The following GFOD2 variants were observed in gnomAD, a reference collection of about 807,000 sequenced individuals.
GFOD2 encodes the protein glucose-fructose oxidoreductase domain-containing protein 2.
GFOD2 carries 9 observed loss-of-function variants against 24.6 expected under a neutral mutation model. The ratio of observed to expected loss-of-function variants is 0.37; its 90% CI spans 0.22 to 0.64. The LOEUF (loss-of-function observed/expected upper bound fraction) is 0.64, where lower values mean the gene tolerates loss of function less well. Among genes scored for constraint, GFOD2 ranks in the 30% least tolerant of loss-of-function variants. The pLI is 0.65. For missense variants in GFOD2, 476 were observed against 532.5 expected, an observed-to-expected ratio of 0.89 and a Z score of 1.04; for synonymous variants, 211 against 224.8, an observed-to-expected ratio of 0.94 and a Z score of 0.55.
At chr16:67,694,161 A>G (rs1027532841) in intron 1 of GFOD2, among the ~76,000 whole-genome samples, 5 of 151,824 alleles carry the variant, frequency 3.3e-5, no homozygotes, top group Non-Finnish European at 7.4e-5. Context: ...CACCTGGCTA[A>G]TTTTTTTGTA....
chr16:67,683,628 T>A (rs765186610), intron 2 of GFOD2: 4 of 1,231,746 alleles, frequency 3.2e-6, no homozygotes, highest in Non-Finnish European at 4.0e-6. Context: ...TTGCTCCAAA[T>A]TGACAACCGG....
In GFOD2 at chr16:67,675,681, A is replaced by G. The variant is rs1432202077; in HGVS notation, c.632T>C (p.Ile211Thr). Residue 211 changes from isoleucine to threonine, a missense_variant, in exon 3 of 3, where the codon ATC becomes ACC. Ile to Thr is a moderately conservative substitution (Grantham distance 89). Coordinates refer to ENST00000268797, the MANE Select transcript of GFOD2 (RefSeq NM_030819.4). ...GCTAGTGACGTGCCGGATGCCACGG[A>G]TGGCAGCGTTCTGCCTCACGAATGT... ...LKTFVRQNAAIRGIRHVTSDD... is the reference protein window; with the variant it reads ...LKTFVRQNAATRGIRHVTSDD... 6.2e-7 allele frequency: 1 copy of G among 1,613,728 alleles called. No individual in the cohort carries two copies. The highest frequency in any genetic ancestry group is 8.5e-7 in the Non-Finnish European group (1 of 1,180,044).
chr16:67,683,116 A>C, intron 2 of GFOD2: 1 of 711,402 alleles, frequency 1.4e-6, no homozygotes, highest in Non-Finnish European at 1.7e-6. Flanking sequence ...GCGTGCCACC[A>C]TGCCTGGCTA....
At chr16:67,700,024 AT>A in intron 1 of GFOD2, among the ~76,000 whole-genome samples, 1 of 151,986 alleles carries the variant, frequency 6.6e-6, no homozygotes, top group African/African-American at 2.4e-5. Context: ...GCAGTGAGCC[AT>A]TTTTGCACCA....
chr16:67,683,427 A>G, intron 2 of GFOD2: 1 of 1,229,698 alleles, frequency 8.1e-7, no homozygotes. Context: ...GAGTCAAGTG[A>G]CCAATAGCGG....
intron 2 of GFOD2, chr16:67,681,052 T>C: frequency 1.0e-6 from 1 of 985,488 alleles, no homozygotes; most frequent in Non-Finnish European, 1.2e-6. Context: ...GGGTCTCCAG[T>C]GCTTCTCCAC....
At chr16:67,710,324 T>C (rs1179972951) in intron 1 of GFOD2, among the ~76,000 whole-genome samples, 1 of 151,254 alleles carries the variant, frequency 6.6e-6, no homozygotes, top group African/African-American at 2.4e-5. Context: ...TTCACCATGT[T>C]GGCCGGGCTG....
At chr16:67,696,708 C>G (rs944562780) in intron 1 of GFOD2, among the ~76,000 whole-genome samples, 3 of 152,028 alleles carry the variant, frequency 2.0e-5, no homozygotes, top group Non-Finnish European at 4.4e-5. Context: ...CTCCTGACCT[C>G]GTGATCCGCC....
At chr16:67,695,477 T>C (rs1041456501) in intron 1 of GFOD2, among the ~76,000 whole-genome samples, 5 of 152,134 alleles carry the variant, frequency 3.3e-5, no homozygotes, top group South Asian at 2.1e-4. Flanking sequence ...ATGGCTGTTA[T>C]AGGAGCTTGA....
At chr16:67,715,614 T>C (rs2053501060) in intron 1 of GFOD2, among the ~76,000 whole-genome samples, 1 of 152,226 alleles carries the variant, frequency 6.6e-6, no homozygotes, top group South Asian at 2.1e-4. Flanking sequence ...AATTTTCAAG[T>C]AATAAGGACT....
chr16:67,685,411 A>G (rs1046598354), intron 2 of GFOD2, 46 bp downstream of exon 2: 2 of 1,613,250 alleles, frequency 1.2e-6, no homozygotes, highest in African/African-American at 2.7e-5. Flanking sequence ...AGGACTGCCC[A>G]GAGGGAGAGA....
chr16:67,683,755 G>T, intron 2 of GFOD2: 2 of 1,227,732 alleles, frequency 1.6e-6, no homozygotes, highest in Non-Finnish European at 2.0e-6. Flanking sequence ...ATAAGTAGCA[G>T]ACCCTGAGGT....
chr16:67,684,055 C>A (rs756917064), intron 2 of GFOD2: 30 of 236,622 alleles, frequency 1.3e-4, no homozygotes, highest in Non-Finnish European at 1.9e-4. Flanking sequence ...AGGACAGTGA[C>A]TGGCACACAG....
chr16:67,704,836 T>C (rs2053428568), intron 1 of GFOD2, among the ~76,000 whole-genome samples: 2 of 152,238 alleles, frequency 1.3e-5, no homozygotes, highest in African/African-American at 2.4e-5. Flanking sequence ...ATTTGTTTGA[T>C]GAGATGTTCT....
At chr16:67,693,603 A>T (rs1285579050) in intron 1 of GFOD2, among the ~76,000 whole-genome samples, 3 of 152,124 alleles carry the variant, frequency 2.0e-5, no homozygotes, top group Non-Finnish European at 4.4e-5. Context: ...AAAAATGTAC[A>T]TTACAGAATG....
chr16:67,702,372 G>A (rs1352884265), intron 1 of GFOD2, among the ~76,000 whole-genome samples: 1 of 151,846 alleles, frequency 6.6e-6, no homozygotes, highest in Non-Finnish European at 1.5e-5. Flanking sequence ...TACTCAGGAG[G>A]CAGAGGCAGA....
chr16:67,679,218 A>G (rs2053205371), intron 2 of GFOD2, among the ~76,000 whole-genome samples: 1 of 151,932 alleles, frequency 6.6e-6, no homozygotes, highest in African/African-American at 2.4e-5. Context: ...TTCCAGGTAA[A>G]TAATTTCTTT....
intron 2 of GFOD2, chr16:67,684,871 T>G (rs1388772476): frequency 2.0e-6 from 2 of 990,244 alleles, no homozygotes; most frequent in Non-Finnish European, 2.4e-6. Flanking sequence ...GGGCAAGAGG[T>G]TACCAAGCCC....
intron 1 of GFOD2, among the ~76,000 whole-genome samples, chr16:67,716,943 C>A (rs1226259053): frequency 6.6e-6 from 1 of 152,200 alleles, no homozygotes; most frequent in African/African-American, 2.4e-5. Context: ...CTTGTCCAGG[C>A]TGGAGTGCAA....
Sources: allele counts gnomAD v4.1 joint callset (sites outside exome capture counted in the v4.1 genomes callset), GRCh38; gene constraint gnomAD v4.1.1; transcripts MANE v1.5; gene names NCBI Gene and HGNC (gene_info 2026-07-23, HGNC 2026-07-21).